The following P2RY14 variants were observed in gnomAD, a reference collection of about 807,000 sequenced individuals.
The protein encoded by P2RY14 is P2Y purinoceptor 14.
In P2RY14, 2 loss-of-function variants were observed where a neutral mutation model predicts 0.9. The observed-to-expected ratio is 2.16, with a 90% CI of 0.88 to 6.79. The LOEUF is 6.79. P2RY14 is among the 30% of genes most tolerant of loss of function. The probability of loss-of-function intolerance (pLI) is 0.05; values close to 1 mark genes in which losing one functional copy is unlikely to be tolerated. For synonymous variants in P2RY14, 158 were observed against 147.2 expected, an observed-to-expected ratio of 1.07 and a Z score of -0.53; for missense variants, 378 against 400.1, an observed-to-expected ratio of 0.94 and a Z score of 0.47.
At chr3:151,223,494 G>A (rs531701757) in intron 1 of P2RY14, among the ~76,000 whole-genome samples, 45 of 152,276 alleles carry the variant, frequency 3.0e-4, no homozygotes, top group African/African-American at 1.1e-3. Context: ...TATACACTGT[G>A]GAATACTATG....
At chr3:151,247,909 AG>A (rs1735993797) in intron 1 of P2RY14, among the ~76,000 whole-genome samples, 1 of 149,586 alleles carries the variant, frequency 6.7e-6, no homozygotes, top group Admixed American at 6.6e-5. Flanking sequence ...TTCAGAAGAC[AG>A]GGCTCCTTTT....
intron 1 of P2RY14, among the ~76,000 whole-genome samples, chr3:151,247,760 A>AT (rs1243597430): frequency 8.5e-6 from 1 of 117,058 alleles, no homozygotes; most frequent in Non-Finnish European, 2.0e-5. Context: ...TTAATGTATA[A>AT]TAAAAAAAAA....
intron 1 of P2RY14, among the ~76,000 whole-genome samples, chr3:151,243,017 C>T (rs1013016118): frequency 2.4e-4 from 36 of 151,080 alleles, no homozygotes; most frequent in Non-Finnish European, 3.5e-4. Flanking sequence ...AGGGTATCAG[C>T]GATGGAAGAT....
At position 151,213,481 on chromosome 3, in the gene P2RY14, A is replaced by G. The variant is rs1422097265; in HGVS notation, c.836T>C (p.Phe279Ser). ...SKEILRYMKE[F>S]TLLLSAANVC... ...ATTTGCAGCAGATAGTAGCAGAGTG[A>G]ATTCTTTCATATACCGCAAGATTTC... Residue 279 changes from phenylalanine to serine, a missense_variant, in exon 3 of 3, where the codon TTC (phenylalanine) becomes TCC (serine). Transcript: ENST00000309170. 6.2e-7 allele frequency: 1 copy of G among 1,614,058 alleles called. No homozygotes were observed. Among genetic ancestry groups the G allele is most frequent in the African/African-American group, 1.3e-5 (1 of 74,930 alleles).
At position 151,271,393 on chromosome 3, in the gene P2RY14, G is replaced by C. The variant is rs77924614; in HGVS notation, c.-133+6894C>G. 2.6e-5 allele frequency among the ~76,000 whole-genome samples: 4 copies of C among 152,288 alleles called. No homozygotes were observed. In the East Asian group the frequency reaches 7.7e-4, roughly 29 times the overall value. ...AGGAAATAGAATAATTGATACTTTG[G>C]TATATTTTTGGTTATAGTGTAAAAT... On this transcript the variant is annotated intron_variant, in intron 1 of 2. Transcript: ENST00000309170.
chr3:151,256,225 A>G (rs1387012059), intron 1 of P2RY14, among the ~76,000 whole-genome samples: 1 of 152,240 alleles, frequency 6.6e-6, no homozygotes, highest in Non-Finnish European at 1.5e-5. Flanking sequence ...TTTTCAAATT[A>G]TAAATCTAAT....
In P2RY14 at chr3:151,213,707, C is replaced by T. The variant is rs138908546; in HGVS notation, c.610G>A (p.Val204Ile). 20 of 1,613,988 alleles carry T rather than the reference C, an allele frequency of 1.2e-5. No individual in the cohort carries two copies. Among genetic ancestry groups the T allele is most frequent in the Non-Finnish European group, 1.4e-5 (17 of 1,180,016 alleles). The change falls in exon 3 of 3, where the codon GTT becomes ATT. Residue 204 changes from valine to isoleucine, a missense_variant. Coordinates refer to ENST00000309170, the MANE Select transcript of P2RY14 (RefSeq NM_014879.4). ...TTCTTTGTGATAGCAGTATAGAAAA[C>T]GATTAACAAAAGAAACACAATCCAG... ...IFWIVFLLLI[V>I]FYTAITKKIF...
intron 1 of P2RY14, among the ~76,000 whole-genome samples, chr3:151,254,133 C>T (rs1737371244): frequency 6.6e-6 from 1 of 151,730 alleles, no homozygotes; most frequent in African/African-American, 2.4e-5. Flanking sequence ...CTGGTAGCCA[C>T]CTCTTTTTCC....
chr3:151,231,350 T>C lies in P2RY14; in HGVS notation c.-132-11708A>G, dbSNP rs1056040266. 2.0e-5 allele frequency among the ~76,000 whole-genome samples: 3 copies of C among 152,296 alleles called. No individual in the cohort carries two copies. The South Asian group carries it at 6.2e-4, about 32-fold the overall frequency. ...AATAGTATCTTTCAGTCTGAAAACA[T>C]ACTCCCCCATCATTTAGAGTAATAA... On this transcript the variant is annotated intron_variant, in intron 1 of 2. Transcript: ENST00000309170.
intron 1 of P2RY14, among the ~76,000 whole-genome samples, chr3:151,225,097 C>A (rs373576030): frequency 6.6e-6 from 1 of 152,298 alleles, no homozygotes; most frequent in East Asian, 1.9e-4. Context: ...TTTCACCCTG[C>A]CTATTGGGCT....
chr3:151,264,630 T>C (rs1214089000), intron 1 of P2RY14, among the ~76,000 whole-genome samples: 3 of 152,324 alleles, frequency 2.0e-5, no homozygotes, highest in African/African-American at 7.2e-5. Context: ...TAAAAACTGC[T>C]CTGTCATAAT....
At chr3:151,244,958 A>G (rs1466890856) in intron 1 of P2RY14, among the ~76,000 whole-genome samples, 2 of 152,252 alleles carry the variant, frequency 1.3e-5, no homozygotes, top group African/African-American at 4.8e-5. Flanking sequence ...TCCCACAGAA[A>G]TACAAACTAC....
At chr3:151,224,127 A>T (rs1399801344) in intron 1 of P2RY14, among the ~76,000 whole-genome samples, 1 of 136,324 alleles carries the variant, frequency 7.3e-6, no homozygotes, top group Admixed American at 7.3e-5. Flanking sequence ...TTAGGAATAG[A>T]AATATCTATG....
At chr3:151,262,548 A>G (rs904275562) in intron 1 of P2RY14, among the ~76,000 whole-genome samples, 26 of 152,196 alleles carry the variant, frequency 1.7e-4, no homozygotes, top group Non-Finnish European at 3.1e-4. Flanking sequence ...TGTGAAGGAA[A>G]TTTGGTGAGG....
chr3:151,245,569 AC>A (rs1460172137), intron 1 of P2RY14, among the ~76,000 whole-genome samples: 2 of 149,778 alleles, frequency 1.3e-5, no homozygotes, highest in African/African-American at 2.5e-5. Flanking sequence ...AAATTCAACA[AC>A]CCTTCATGCT....
At chr3:151,267,122 G>A (rs1207711574) in intron 1 of P2RY14, among the ~76,000 whole-genome samples, 1 of 152,222 alleles carries the variant, frequency 6.6e-6, no homozygotes, top group Non-Finnish European at 1.5e-5. Context: ...CATTCTTGAA[G>A]TGAAGTTTAT....
At chr3:151,236,734 A>G (rs375665645) in intron 1 of P2RY14, among the ~76,000 whole-genome samples, 7 of 152,194 alleles carry the variant, frequency 4.6e-5, no homozygotes, top group Non-Finnish European at 7.3e-5. Flanking sequence ...TGATTTTTCT[A>G]TATATTTTAC....
At chr3:151,236,322 AT>A (rs1732786073) in intron 1 of P2RY14, among the ~76,000 whole-genome samples, 1 of 152,252 alleles carries the variant, frequency 6.6e-6, no homozygotes, top group African/African-American at 2.4e-5. Flanking sequence ...TTCAATGTGC[AT>A]AGTAGATTAA....
At chr3:151,220,619 T>C (rs1296204192) in intron 1 of P2RY14, among the ~76,000 whole-genome samples, 2 of 152,212 alleles carry the variant, frequency 1.3e-5, no homozygotes, top group Non-Finnish European at 2.9e-5. Context: ...TCATGAGATC[T>C]GATGGTTTTA....
Sources: allele counts gnomAD v4.1 joint callset (sites outside exome capture counted in the v4.1 genomes callset), GRCh38; gene constraint gnomAD v4.1.1; transcripts MANE v1.5; gene names NCBI Gene and HGNC (gene_info 2026-07-23, HGNC 2026-07-21).